The following PPFIA2 variants were observed in gnomAD, a reference collection of about 807,000 sequenced individuals.
PPFIA2 encodes the protein PPFI scaffold protein A2.
Under a neutral mutation model 175.5 loss-of-function variants are expected in PPFIA2, and 46 were observed. The observed-to-expected ratio is 0.26, with a 90% confidence interval of 0.21 to 0.34. The LOEUF (loss-of-function observed/expected upper bound fraction) is 0.34, where lower values mean the gene tolerates loss of function less well. Ranked by LOEUF, PPFIA2 falls within the 10% of genes least tolerant of loss-of-function variation. The probability of loss-of-function intolerance (pLI) is 1.00; values close to 1 mark genes in which losing one functional copy is unlikely to be tolerated. For missense variants in PPFIA2, 1,179 were observed against 1,506.1 expected, an observed-to-expected ratio of 0.78 and a Z score of 3.60; for synonymous variants, 568 against 511.4, an observed-to-expected ratio of 1.11 and a Z score of -1.49.
At position 81,282,976 on chromosome 12, in the gene PPFIA2, A is replaced by G; in HGVS notation, c.3018+34T>C. The G allele has an allele frequency of 2.5e-6, 4 of 1,581,004 alleles. No individual in the cohort carries two copies. In the South Asian group the frequency reaches 4.4e-5, roughly 18 times the overall value. ...TTATATTCTCATTGCCTACTAAATG[A>G]TATTAAGGGTCTTAAAGCATATGAA... On this transcript the variant is annotated intron_variant, in intron 26 of 32. Coordinates refer to ENST00000549396, the MANE Select transcript of PPFIA2 (RefSeq NM_003625.5).
At chr12:81,416,131 C>G (rs1474871257) in intron 7 of PPFIA2, among the ~76,000 whole-genome samples, 1 of 151,368 alleles carries the variant, frequency 6.6e-6, no homozygotes, top group Non-Finnish European at 1.5e-5. Flanking sequence ...CTAAGAGTGG[C>G]ATAATATGGA....
At chr12:81,431,859 C>G (rs1417095881) in intron 7 of PPFIA2, among the ~76,000 whole-genome samples, 1 of 152,142 alleles carries the variant, frequency 6.6e-6, no homozygotes, top group Non-Finnish European at 1.5e-5. Flanking sequence ...CTAGCCACCC[C>G]TCACTCAGAT....
intron 3 of PPFIA2, among the ~76,000 whole-genome samples, chr12:81,721,792 A>G (rs2079384000): frequency 6.6e-6 from 1 of 151,248 alleles, no homozygotes; most frequent in African/African-American, 2.4e-5. Context: ...AACTGGCTTC[A>G]TCTTTCACTG....
intron 4 of PPFIA2, among the ~76,000 whole-genome samples, chr12:81,628,429 T>G (rs559200791): frequency 1.6e-4 from 23 of 140,964 alleles, no homozygotes; most frequent in Non-Finnish European, 2.7e-4. Flanking sequence ...CAGGCTGGAG[T>G]GCAGTGGCGT....
intron 4 of PPFIA2, among the ~76,000 whole-genome samples, chr12:81,641,711 C>T (rs2064996258): frequency 6.6e-6 from 1 of 152,200 alleles, no homozygotes; most frequent in Non-Finnish European, 1.5e-5. Flanking sequence ...CAGCCAAGTT[C>T]ACCTGAGCCT....
chr12:81,551,225 T>A (rs1360749613), intron 4 of PPFIA2, among the ~76,000 whole-genome samples: 1 of 151,884 alleles, frequency 6.6e-6, no homozygotes, highest in Non-Finnish European at 1.5e-5. Context: ...TATAAATGAA[T>A]GAAAAGATGA....
chr12:81,567,652 C>A (rs931539090), intron 4 of PPFIA2, among the ~76,000 whole-genome samples: 2 of 152,182 alleles, frequency 1.3e-5, no homozygotes, highest in Admixed American at 6.6e-5. Context: ...CTGAAGTGAA[C>A]TTCCTGGTTG....
intron 30 of PPFIA2, among the ~76,000 whole-genome samples, chr12:81,264,687 A>G (rs1356137747): frequency 1.3e-5 from 2 of 152,230 alleles, no homozygotes; most frequent in Non-Finnish European, 2.9e-5. Flanking sequence ...TCATTTTTAT[A>G]TAATAACATA....
intron 20 of PPFIA2, 102 bp downstream of exon 20, chr12:81,340,976 A>T: frequency 8.0e-7 from 1 of 1,254,672 alleles, no homozygotes; most frequent in East Asian, 2.6e-5. Context: ...ATTCTGGCTC[A>T]AATAATGTAA....
At position 81,293,368 on chromosome 12, in the gene PPFIA2, C is replaced by A. The variant is rs1489986299; in HGVS notation, c.2925+1467G>T. 3.3e-5 allele frequency among the ~76,000 whole-genome samples: 5 copies of A among 151,834 alleles called. No individual in the cohort carries two copies. In the East Asian group the frequency reaches 9.7e-4, roughly 29 times the overall value. On this transcript the variant is annotated intron_variant, in intron 24 of 32. Coordinates refer to ENST00000549396, the MANE Select transcript of PPFIA2 (RefSeq NM_003625.5). ...GGATAGGTAAAAAATTATGAGATGA[C>A]TAGGAATTTATAACTGAAAAACAAA...
chr12:81,298,236 A>C (rs1285346355), intron 23 of PPFIA2: 1 of 152,210 alleles, frequency 6.6e-6, no homozygotes, highest in Admixed American at 6.5e-5. Flanking sequence ...CGGTTGAAAG[A>C]AGCAGCTGAT....
intron 4 of PPFIA2, among the ~76,000 whole-genome samples, chr12:81,632,884 C>G (rs2063555068): frequency 6.6e-6 from 1 of 151,910 alleles, no homozygotes; most frequent in Admixed American, 6.6e-5. Flanking sequence ...CCTGTGGACC[C>G]TGGCATTCTG....
At chr12:81,348,931 G>A (rs1022110428) in intron 17 of PPFIA2, among the ~76,000 whole-genome samples, 3 of 151,952 alleles carry the variant, frequency 2.0e-5, no homozygotes, top group Admixed American at 2.0e-4. Flanking sequence ...ATGGTTTATT[G>A]GGATCCCCTC....
Position 81,353,299 on chromosome 12 carries a change from T to G in PPFIA2, c.1814A>C (p.Gln605Pro), listed in dbSNP as rs1269355658. The G allele has an allele frequency of 2.5e-6, 4 of 1,613,642 alleles. No individual in the cohort carries two copies. The highest frequency in any genetic ancestry group is 3.3e-5 in the Admixed American group (2 of 59,974). The stretch of plus-strand genomic sequence containing the variant: ...AGGGTGGCTGCTTAGTACTCCAATC[T>G]GTTGAGTTCTATTCCACTCGTGATC... ...LGDHEWNRTQQIGVLSSHPFE... is the reference protein window; with the variant it reads ...LGDHEWNRTQPIGVLSSHPFE... Residue 605 changes from glutamine (Q) to proline (P), a missense_variant, in exon 17 of 33, where the codon CAG becomes CCG. Coordinates refer to ENST00000549396, the MANE Select transcript of PPFIA2 (RefSeq NM_003625.5).
intron 4 of PPFIA2, among the ~76,000 whole-genome samples, chr12:81,518,192 T>C (rs554248179): frequency 9.5e-4 from 145 of 152,258 alleles, no homozygotes; most frequent in African/African-American, 3.3e-3. Flanking sequence ...ACTATTCCAG[T>C]CAAAATTCTT....
At chr12:81,363,265 T>A (rs1192979005) in intron 14 of PPFIA2, among the ~76,000 whole-genome samples, 1 of 151,112 alleles carries the variant, frequency 6.6e-6, no homozygotes, top group African/African-American at 2.4e-5. Context: ...AATTGGAGGA[T>A]TTTTTTAAAA....
At chr12:81,523,679 A>C (rs1335285312) in intron 4 of PPFIA2, among the ~76,000 whole-genome samples, 1 of 152,128 alleles carries the variant, frequency 6.6e-6, no homozygotes, top group Non-Finnish European at 1.5e-5. Flanking sequence ...TGTGCTGCCA[A>C]AAAAACCTAG....
chr12:81,472,219 G>A (rs1349505027), intron 4 of PPFIA2, among the ~76,000 whole-genome samples: 3 of 152,270 alleles, frequency 2.0e-5, no homozygotes, highest in South Asian at 4.2e-4. Flanking sequence ...ATTGGAGGAG[G>A]TGAGAGCTAA....
Position 81,445,592 on chromosome 12 carries a change from T to C in PPFIA2, c.534A>G (p.Lys178=), listed in dbSNP as rs755797730. ...SSEVEVLKAL[K]SLFEHHKALD... ...AGGCCTTGTGGTGCTCAAACAAAGA[T>C]TTCAGTGCCTTGAGAACTTCAACTT... Residue 178 remains lysine (K), a synonymous_variant, in exon 6 of 33, where the codon AAA becomes AAG. Transcript: ENST00000549396. 6.2e-7 allele frequency: 1 copy of C among 1,613,824 alleles called. No homozygotes were observed. The highest frequency in any genetic ancestry group is 1.1e-5 in the South Asian group (1 of 91,058).
Sources: gnomAD v4.1 joint callset for allele counts (sites outside exome capture counted in the v4.1 genomes callset) on GRCh38, gnomAD v4.1.1 for gene constraint, MANE v1.5 for transcripts, NCBI Gene and HGNC (gene_info 2026-07-23, HGNC 2026-07-21) for gene names.